Variants in TENM2 observed in about 807,000 individuals in gnomAD.
TENM2 encodes the protein teneurin-2.
A neutral mutation model predicts 245.2 loss-of-function variants in TENM2; 52 were observed. The observed-to-expected ratio is 0.21, with a 90% CI of 0.17 to 0.27. TENM2 has a LOEUF of 0.27. Ranked by LOEUF, TENM2 falls within the 10% of genes least tolerant of loss-of-function variation. The pLI is 1.00. For synonymous variants in TENM2, 1,363 were observed against 1,438.9 expected, an observed-to-expected ratio of 0.95 and a Z score of 1.19; for missense variants, 3,046 against 3,666.8, an observed-to-expected ratio of 0.83 and a Z score of 4.37.
chr5:168,089,750 A>T (rs1434194476), intron 7 of TENM2, among the ~76,000 whole-genome samples: 1 of 152,218 alleles, frequency 6.6e-6, no homozygotes. Flanking sequence ...TATGAATGTA[A>T]ATAACACCAA....
At chr5:167,425,636 A>G (rs994604393) in intron 2 of TENM2, among the ~76,000 whole-genome samples, 3 of 152,234 alleles carry the variant, frequency 2.0e-5, no homozygotes, top group Non-Finnish European at 4.4e-5. Context: ...AATACACAAG[A>G]TATAATATCC....
intron 2 of TENM2, among the ~76,000 whole-genome samples, chr5:167,749,525 C>G (rs893348382): frequency 3.3e-5 from 5 of 151,912 alleles, no homozygotes; most frequent in Non-Finnish European, 7.4e-5. Flanking sequence ...ATAATCCCAG[C>G]TACTCAGGAG....
At chr5:167,873,962 A>G (rs546327224) in intron 2 of TENM2, among the ~76,000 whole-genome samples, 4 of 152,076 alleles carry the variant, frequency 2.6e-5, no homozygotes, top group African/African-American at 9.7e-5. Context: ...CTCATCTCCT[A>G]TCTCTGCCAC....
At chr5:167,695,322 G>A (rs964578331) in intron 2 of TENM2, among the ~76,000 whole-genome samples, 3 of 152,156 alleles carry the variant, frequency 2.0e-5, no homozygotes, top group Admixed American at 6.5e-5. Flanking sequence ...TAGGTAAAAC[G>A]TAAGGAATGG....
the TENM2 span, among the ~76,000 whole-genome samples, chr5:167,044,719 G>A: frequency 3.3e-5 from 5 of 152,194 alleles, no homozygotes; most frequent in Admixed American, 1.3e-4. Context: ...GGACAAGAGT[G>A]TAATGTTTCA....
chr5:167,321,818 G>A lies in TENM2; in HGVS notation c.226+36755G>A, dbSNP rs1283987720. Among the ~76,000 whole-genome samples the A allele has an allele frequency of 2.4e-4, 6 of 24,710 alleles. 1 individual carries two copies. The highest frequency in any genetic ancestry group is 5.6e-4 in the Non-Finnish European group (5 of 8,904). The allele number at this position is 24,710 out of a possible 152,430, so 16.2% of individuals were successfully genotyped here. On this transcript the variant is annotated intron_variant, in intron 1 of 28. Coordinates refer to ENST00000518659, the Ensembl canonical transcript of TENM2. ...TTTTTTTTTGGGGGGGGGGGCGGGGGGGGGGGTGGATGGAGTCACTCACTC... is the reference window on the plus strand; with the variant it reads ...TTTTTTTTTGGGGGGGGGGGCGGGGAGGGGGGTGGATGGAGTCACTCACTC...
chr5:168,229,743 A>C (rs758907757), intron 25 of TENM2: 11 of 152,146 alleles, frequency 7.2e-5, no homozygotes, highest in Non-Finnish European at 1.2e-4. Flanking sequence ...CCTCCATATT[A>C]AGATTCCGCC....
chr5:167,661,132 C>G (rs919175685), intron 2 of TENM2, among the ~76,000 whole-genome samples: 1 of 152,084 alleles, frequency 6.6e-6, no homozygotes, highest in African/African-American at 2.4e-5. Context: ...TTGTGACTGT[C>G]CCTGGAATAC....
chr5:167,011,520 G>A, the TENM2 span, among the ~76,000 whole-genome samples: 1 of 152,206 alleles, frequency 6.6e-6, no homozygotes, highest in Non-Finnish European at 1.5e-5. Flanking sequence ...GTAAGTGGTA[G>A]TGTTCTTTGC....
At chr5:167,322,576 G>C (rs1756828180) in intron 1 of TENM2, among the ~76,000 whole-genome samples, 1 of 152,056 alleles carries the variant, frequency 6.6e-6, no homozygotes, top group Non-Finnish European at 1.5e-5. Flanking sequence ...CAGTGCTCAA[G>C]AACTCTTAAT....
chr5:168,113,506 C>T (rs1026612684), intron 9 of TENM2, among the ~76,000 whole-genome samples: 3 of 151,850 alleles, frequency 2.0e-5, no homozygotes, highest in African/African-American at 4.8e-5. Context: ...AACTTTTCTC[C>T]ACGTATTCTC....
intron 2 of TENM2, among the ~76,000 whole-genome samples, chr5:167,485,234 G>A (rs1446924114): frequency 6.6e-6 from 1 of 152,148 alleles, no homozygotes; most frequent in Non-Finnish European, 1.5e-5. Flanking sequence ...GAGAACTGAA[G>A]ACAGGAAAGT....
chr5:167,525,290 G>A (rs909098338), intron 2 of TENM2, among the ~76,000 whole-genome samples: 1 of 152,154 alleles, frequency 6.6e-6, no homozygotes, highest in Non-Finnish European at 1.5e-5. Context: ...CTGTGATGAC[G>A]TATTTTAATG....
At chr5:167,932,362 T>G (rs546158973) in intron 3 of TENM2, among the ~76,000 whole-genome samples, 1 of 152,312 alleles carries the variant, frequency 6.6e-6, no homozygotes, top group Admixed American at 6.5e-5. Flanking sequence ...TGTCTCATTA[T>G]TAATTATTCA....
chr5:167,849,992 G>A (rs1770424668), intron 2 of TENM2, among the ~76,000 whole-genome samples: 1 of 152,060 alleles, frequency 6.6e-6, no homozygotes, highest in Non-Finnish European at 1.5e-5. Context: ...TTGCATCATT[G>A]TCCGTGGGTG....
At chr5:167,845,964 TCAA>T (rs1344731365) in intron 2 of TENM2, among the ~76,000 whole-genome samples, 3 of 152,142 alleles carry the variant, frequency 2.0e-5, no homozygotes, top group Non-Finnish European at 4.4e-5. Context: ...TTGATGTCAC[TCAA>T]CAGCTGCTTC....
At chr5:167,708,209 G>A (rs979260058) in intron 2 of TENM2, among the ~76,000 whole-genome samples, 1 of 151,684 alleles carries the variant, frequency 6.6e-6, no homozygotes, top group African/African-American at 2.4e-5. Flanking sequence ...ACTGAAGAGT[G>A]TATGCTACGG....
the TENM2 span, among the ~76,000 whole-genome samples, chr5:167,006,761 G>A: frequency 6.6e-6 from 1 of 151,768 alleles, no homozygotes; most frequent in Non-Finnish European, 1.5e-5. Context: ...CTGCCTCCTG[G>A]GTTCAAGTGA....
chr5:167,888,024 A>G (rs1294889459), intron 3 of TENM2, among the ~76,000 whole-genome samples: 1 of 152,044 alleles, frequency 6.6e-6, no homozygotes, highest in African/African-American at 2.4e-5. Context: ...CTCTCTCCTT[A>G]TAGGGATACC....
Sources: gnomAD v4.1 joint callset for allele counts (sites outside exome capture counted in the v4.1 genomes callset) on GRCh38, gnomAD v4.1.1 for gene constraint, MANE v1.5 for transcripts, NCBI Gene and HGNC (gene_info 2026-07-23, HGNC 2026-07-21) for gene names.